WDR77: variants seen among roughly 807,000 people sequenced by gnomAD.
WDR77 encodes the protein WD repeat domain 77, also known as methylosome protein WDR77.
Under a neutral mutation model 44.0 loss-of-function variants are expected in WDR77, and 31 were observed. The ratio of observed to expected loss-of-function variants is 0.70; its 90% confidence interval spans 0.53 to 0.95. The LOEUF (loss-of-function observed/expected upper bound fraction) is 0.95. WDR77 is among the 40% of genes least tolerant of loss of function. The probability of loss-of-function intolerance (pLI) is 0.00; values close to 1 mark genes in which losing one functional copy is unlikely to be tolerated. For synonymous variants in WDR77, 186 were observed against 165.7 expected (o/e 1.12, Z -0.94); for missense variants, 390 against 423.9 (o/e 0.92, Z 0.70).
chr1:111,442,837 C>T (rs1156747600), intron 7 of WDR77, 76 bp from the exon 8 acceptor site: 2 of 1,065,248 alleles, frequency 1.9e-6, no homozygotes, highest in South Asian at 2.5e-5. Context: ...CCTAGTTCCT[C>T]GAGCTTGTAA....
chr1:111,443,187 C>T (rs2101742344), intron 7 of WDR77, 136 bp downstream of exon 7: 1 of 773,212 alleles, frequency 1.3e-6, no homozygotes. Context: ...ACCTCCCCAC[C>T]CTCAATTCAT....
rs1471778556 is a variant in WDR77 at position 111,440,724 on chromosome 1, CT to C, written c.*505del. On this transcript the variant is annotated 3_prime_UTR_variant, in exon 10 of 10. Transcript: ENST00000235090. Reference sequence around the variant, plus strand: ...TGCTTCTTCCTCAGAGTGAGCTGGGCTGCATTTTTGTGACTGGAAGCATTTC... The same window carrying C: ...TGCTTCTTCCTCAGAGTGAGCTGGGCGCATTTTTGTGACTGGAAGCATTTC... 2.6e-5 allele frequency: 4 copies of C among 152,154 alleles called. No homozygotes were observed. Among genetic ancestry groups the C allele is most frequent in the African/African-American group, 9.7e-5 (4 of 41,394 alleles). 9.4% of individuals were successfully genotyped at this position (152,154 alleles called of 1,614,324 possible). A position where few individuals can be genotyped will look rare whatever the true frequency, so the allele number is the denominator to read the frequency against.
chr1:111,448,904 A>AG (rs1425083996), intron 1 of WDR77, 100 bp from the exon 2 acceptor site: 14 of 1,525,462 alleles, frequency 9.2e-6, no homozygotes, highest in Non-Finnish European at 1.2e-5. Flanking sequence ...ATCTGAGCTC[A>AG]GGAACGCGGG....
At chr1:111,447,904 C>A (rs1013572009) in intron 2 of WDR77, among the ~76,000 whole-genome samples, 12 of 152,222 alleles carry the variant, frequency 7.9e-5, no homozygotes, top group Non-Finnish European at 1.5e-4. Flanking sequence ...GAAGTTTCCA[C>A]AACTGTTTAA....
intron 7 of WDR77, 53 bp from the exon 8 acceptor site, chr1:111,442,814 C>A: frequency 1.5e-6 from 2 of 1,298,928 alleles, no homozygotes; most frequent in South Asian, 1.8e-5. Flanking sequence ...ACTTTTGTGC[C>A]AAAGACTTGA....
At chr1:111,442,785 A>G in intron 7 of WDR77, 24 bp from the exon 8 acceptor site, 1 of 1,499,536 alleles carries the variant, frequency 6.7e-7, no homozygotes, top group Non-Finnish European at 9.0e-7. Flanking sequence ...GGAACATGTC[A>G]TAGTGATTAA....
chr1:111,442,930 T>C (rs1652873062), intron 7 of WDR77, among the ~76,000 whole-genome samples, 169 bp from the exon 8 acceptor site: 1 of 152,356 alleles, frequency 6.6e-6, no homozygotes. Context: ...ATTAAGTTAA[T>C]GAACGAAGCA....
Position 111,447,435 on chromosome 1 carries a change from C to T in WDR77, c.443G>A (p.Cys148Tyr). The T allele has an allele frequency of 6.2e-7, 1 of 1,614,086 alleles. No homozygotes were observed. Among genetic ancestry groups the T allele is most frequent in the Non-Finnish European group, 8.5e-7 (1 of 1,179,980 alleles). The change falls in exon 3 of 10, where the codon TGC becomes TAC. Residue 148 changes from cysteine (C) to tyrosine (Y), a missense_variant and splice_region_variant. By Grantham distance (194) the Cys-to-Tyr change is radical. Transcript: ENST00000235090. ...TQAVSGSKDI[C>Y]IKVWDLAQQV... ...AGGAGCAATGAGAACAGGGACCCAC[C>T]AGATGTCTTTGCTACCACTGACAGC...
chr1:111,443,964 G>A, intron 5 of WDR77, 43 bp from the exon 6 acceptor site: 2 of 1,613,908 alleles, frequency 1.2e-6, no homozygotes, highest in South Asian at 1.1e-5. Context: ...TAATCCAAAG[G>A]AGCAGTTGCA....
In WDR77 at chr1:111,449,061, G is replaced by A; in HGVS notation, c.109C>T (p.Arg37Trp). ...MERQLEAARY[R>W]SDGALLLGAS... is the part of the protein sequence containing the mutation. The stretch of plus-strand genomic sequence containing the variant: ...GCCCGGGATCTCGGCTCACCGGACC[G>A]GTACCGCGCAGCCTCCAACTGCCGT... Residue 37 changes from arginine to tryptophan, a missense_variant, in exon 1 of 10, where the codon CGG (arginine) becomes TGG (tryptophan). Physicochemically the swap from Arg to Trp is moderately radical, Grantham distance 101. Coordinates refer to ENST00000235090, the MANE Select transcript of WDR77 (RefSeq NM_024102.4). The A allele has an allele frequency of 1.3e-6, 2 of 1,590,256 alleles. No individual in the cohort carries two copies. Among genetic ancestry groups the A allele is most frequent in the South Asian group, 2.3e-5 (2 of 87,690 alleles).
intron 7 of WDR77, 77 bp from the exon 8 acceptor site, chr1:111,442,838 G>C (rs1471016192): frequency 1.3e-5 from 14 of 1,059,516 alleles, no homozygotes; most frequent in Non-Finnish European, 1.7e-5. Context: ...CTAGTTCCTC[G>C]AGCTTGTAAA....
At chr1:111,447,240 A>C (rs1653079637) in intron 3 of WDR77, 96 bp from the exon 4 acceptor site, 1 of 1,528,630 alleles carries the variant, frequency 6.5e-7, no homozygotes, top group African/African-American at 1.4e-5. Context: ...ACATTCCCCA[A>C]GTCTTTGCCT....
At position 111,443,935 on chromosome 1, in the gene WDR77, G is replaced by T. The variant is rs770623237; in HGVS notation, c.565-14C>A. On this transcript the variant is annotated splice_polypyrimidine_tract_variant and intron_variant, in intron 5 of 9. Coordinates refer to ENST00000235090, the MANE Select transcript of WDR77 (RefSeq NM_024102.4). ...AATTCTATTGTCCTAGAGGAAGGTG[G>T]AACAGAAAAAGGATTTCATAATCCA... 8.7e-6 allele frequency: 14 copies of T among 1,614,044 alleles called. No homozygotes were observed. The highest frequency in any genetic ancestry group is 1.6e-4 in the Middle Eastern group (1 of 6,084).
At chr1:111,442,541 A>G (rs1652857285) in intron 8 of WDR77, 112 bp downstream of exon 8, 1 of 672,388 alleles carries the variant, frequency 1.5e-6, no homozygotes, top group African/African-American at 1.8e-5. Flanking sequence ...CTCAGCTAGA[A>G]CACTGTCTGC....
At chr1:111,447,337 C>T (rs1398418659) in intron 3 of WDR77, 98 bp downstream of exon 3, 5 of 1,558,620 alleles carry the variant, frequency 3.2e-6, no homozygotes, top group Non-Finnish European at 4.4e-6. Flanking sequence ...TCACTGGATT[C>T]TTAGAATAAG....
chr1:111,449,246 G>A lies in WDR77; in HGVS notation c.-77C>T, dbSNP rs1372966436. 3 of 1,536,240 alleles carry A rather than the reference G, an allele frequency of 2.0e-6. No homozygotes were observed. Among genetic ancestry groups the A allele is most frequent in the Admixed American group, 2.0e-5 (1 of 50,906 alleles). On this transcript the variant is annotated 5_prime_UTR_variant, in exon 1 of 10. Transcript: ENST00000235090. ...TCCGCTCCGGCAGCAAACCCCACGT[G>A]GTGCACCTCTGAGCCTCCGCCCCTC...
chr1:111,448,856 A>C, intron 1 of WDR77, 52 bp from the exon 2 acceptor site: 1 of 1,550,344 alleles, frequency 6.5e-7, no homozygotes, highest in Non-Finnish European at 8.7e-7. Flanking sequence ...GTTCGCCTCC[A>C]TGGAGACCGC....
Position 111,443,894 on chromosome 1 carries a change from G to T in WDR77, c.592C>A (p.Arg198Ser). Residue 198 changes from arginine to serine, a missense_variant, in exon 6 of 10, where the codon CGC becomes AGC. Arg to Ser is a moderately radical substitution (Grantham distance 110). Transcript: ENST00000235090. ...ATCTGTGATGCTGGCTTGGGACAGC[G>T]GGTATCCCAGAGTAAAATTCTATTG... Reference protein sequence around the residue: ...EDNRILLWDTRCPKPASQIGC... With the variant: ...EDNRILLWDTSCPKPASQIGC... 1 of 1,614,130 alleles carries T rather than the reference G, an allele frequency of 6.2e-7. No individual in the cohort carries two copies. Among genetic ancestry groups the T allele is most frequent in the Non-Finnish European group, 8.5e-7 (1 of 1,180,006 alleles).
rs1460081198 is a variant in WDR77 at position 111,449,199 on chromosome 1, A to C, written c.-30T>G. The C allele has an allele frequency of 6.5e-7, 1 of 1,548,432 alleles. No homozygotes were observed. Among genetic ancestry groups the C allele is most frequent in the African/African-American group, 1.4e-5 (1 of 73,746 alleles). On this transcript the variant is annotated 5_prime_UTR_variant, in exon 1 of 10. Coordinates refer to ENST00000235090, the MANE Select transcript of WDR77 (RefSeq NM_024102.4). The stretch of plus-strand genomic sequence containing the variant: ...ACGGTTCCAACTCCAACCTAGACTC[A>C]AACTGGACGCCGGCCGGAGACTCCG...
Sources: allele counts gnomAD v4.1 joint callset (sites outside exome capture counted in the v4.1 genomes callset), GRCh38; gene constraint gnomAD v4.1.1; transcripts MANE v1.5; gene names NCBI Gene and HGNC (gene_info 2026-07-23, HGNC 2026-07-21).